The following SRPK1 variants were observed in gnomAD, a reference collection of about 807,000 sequenced individuals.
The protein encoded by SRPK1 is SFRS protein kinase 1.
SRPK1 carries 52 observed loss-of-function variants against 89.5 expected under a neutral mutation model. That is an observed-to-expected ratio of 0.58 (90% CI 0.46 to 0.73). SRPK1 has a LOEUF of 0.73. SRPK1 is among the 30% of genes least tolerant of loss of function. The pLI, the probability that SRPK1 is intolerant of heterozygous loss-of-function variation, is 0.00. For synonymous variants in SRPK1, 255 were observed against 270.2 expected, an observed-to-expected ratio of 0.94 and a Z score of 0.55; for missense variants, 603 against 780.6, an observed-to-expected ratio of 0.77 and a Z score of 2.71.
intron 13 of SRPK1, 183 bp downstream of exon 13, chr6:35,857,078 C>T: frequency 1.9e-6 from 1 of 515,158 alleles, no homozygotes; most frequent in Non-Finnish European, 3.4e-6. Flanking sequence ...TAGCAGTAAC[C>T]AAATGAAATG....
At chr6:35,902,591 A>G (rs1301403265) in intron 2 of SRPK1, among the ~76,000 whole-genome samples, 1 of 152,202 alleles carries the variant, frequency 6.6e-6, no homozygotes, top group Non-Finnish European at 1.5e-5. Context: ...TAACCTTGCC[A>G]TCTACAGATA....
intron 6 of SRPK1, among the ~76,000 whole-genome samples, chr6:35,883,938 T>G (rs993684182): frequency 2.6e-5 from 4 of 152,034 alleles, no homozygotes; most frequent in African/African-American, 9.7e-5. Flanking sequence ...TTTCACCGTG[T>G]TAGCCAAGAT....
intron 12 of SRPK1, 95 bp from the exon 13 acceptor site, chr6:35,857,463 G>C: frequency 9.5e-7 from 1 of 1,054,020 alleles, no homozygotes; most frequent in Non-Finnish European, 1.4e-6. Context: ...ACTCTCTGAA[G>C]TTTTTCCCAA....
intron 2 of SRPK1, among the ~76,000 whole-genome samples, chr6:35,892,884 T>C (rs1433445111): frequency 2.6e-5 from 4 of 152,250 alleles, no homozygotes; most frequent in South Asian, 2.1e-4. Context: ...TTACATGCTA[T>C]GACTGAGCTA....
At position 35,870,295 on chromosome 6, in the gene SRPK1, G is replaced by A. The variant is rs778828117; in HGVS notation, c.977C>T (p.Thr326Ile). The A allele has an allele frequency of 6.2e-7, 1 of 1,611,534 alleles. No individual in the cohort carries two copies. Among genetic ancestry groups the A allele is most frequent in the South Asian group, 1.1e-5 (1 of 90,376 alleles). ...PLKENPPNKM[T>I]QEKLEESSTI... ...TCTATTTATACCAAGTTTTTCTTGG[G>A]TCATTTTATTAGGTGGGTTCTCTTT... is the stretch of plus-strand genomic sequence containing the variant. Residue 326 changes from threonine (T) to isoleucine (I), a missense_variant, in exon 10 of 16, where the codon ACC becomes ATC. Transcript: ENST00000373825.
chr6:35,907,526 T>A, intron 2 of SRPK1, among the ~76,000 whole-genome samples: 1 of 151,934 alleles, frequency 6.6e-6, no homozygotes, highest in Non-Finnish European at 1.5e-5. Flanking sequence ...ACCAACATAG[T>A]GAAACTCCAT....
intron 2 of SRPK1, among the ~76,000 whole-genome samples, chr6:35,917,891 T>G (rs1211714726): frequency 6.6e-6 from 1 of 152,240 alleles, no homozygotes; most frequent in African/African-American, 2.4e-5. Flanking sequence ...CTAACTTGTC[T>G]AAGGTCAGAT....
Position 35,874,293 on chromosome 6 carries a change from C to T in SRPK1, c.525G>A (p.Trp175Ter), listed in dbSNP as rs1770107769. ...GCCCCTGATAATTGGATTTGATGAT[C>T]CACTTGAGCAGATGATGCCCCAAAA... is the stretch of plus-strand genomic sequence containing the variant. ...FEVLGHHLLKWIIKSNYQGLP... is the reference protein window; with the variant it reads ...FEVLGHHLLK Residue 175 changes from tryptophan (W) to a stop codon, truncating the protein, a stop_gained, in exon 7 of 16, where the codon TGG becomes TGA. Transcript: ENST00000373825. LOFTEE classifies it high-confidence loss of function. 1.2e-6 allele frequency: 2 copies of T among 1,613,208 alleles called. No homozygotes were observed. The highest frequency in any genetic ancestry group is 1.7e-6 in the Non-Finnish European group (2 of 1,179,676).
At chr6:35,880,896 C>T (rs943140038) in intron 6 of SRPK1, among the ~76,000 whole-genome samples, 1 of 150,234 alleles carries the variant, frequency 6.7e-6, no homozygotes, top group African/African-American at 2.4e-5. Flanking sequence ...CACATCAAGA[C>T]ACATTATAAT....
chr6:35,850,762 T>C (rs1769537050), intron 13 of SRPK1, among the ~76,000 whole-genome samples: 1 of 152,124 alleles, frequency 6.6e-6, no homozygotes, highest in African/African-American at 2.4e-5. Context: ...AAAAACCCCA[T>C]GTATCTCAGG....
Position 35,905,845 on chromosome 6 carries a change from T to C in SRPK1, c.74+14623A>G, listed in dbSNP as rs186306823. Among the ~76,000 whole-genome samples, 4 of 152,296 alleles carry C rather than the reference T, an allele frequency of 2.6e-5. No individual in the cohort carries two copies. In the East Asian group the frequency reaches 7.7e-4, roughly 29 times the overall value. Reference sequence around the variant, plus strand: ...AAACAAAAATCCTTGGGTCCTATGATTCCATGTTTAAGTATAACATGAACT... The same window carrying C: ...AAACAAAAATCCTTGGGTCCTATGACTCCATGTTTAAGTATAACATGAACT... On this transcript the variant is annotated intron_variant, in intron 2 of 15. Coordinates refer to ENST00000373825, the MANE Select transcript of SRPK1 (RefSeq NM_003137.5).
chr6:35,883,100 C>T (rs938478099), intron 6 of SRPK1, among the ~76,000 whole-genome samples: 1 of 152,220 alleles, frequency 6.6e-6, no homozygotes, highest in Non-Finnish European at 1.5e-5. Context: ...AGCCACTGCA[C>T]CTGGCCAGGA....
At position 35,870,954 on chromosome 6, in the gene SRPK1, T is replaced by C. The variant is rs1561979275; in HGVS notation, c.757A>G (p.Thr253Ala). 1.2e-6 allele frequency: 2 copies of C among 1,607,820 alleles called. No homozygotes were observed. The highest frequency in any genetic ancestry group is 1.1e-5 in the South Asian group (1 of 90,270). ...CTTACTGGTTTAGGCTGGGGAGCAG[T>C]ACTGACTGAAAAGAAAAGAAAACCA... ...APPPSGSAVS[T>A]APQPKPADKM... The change falls in exon 9 of 16, where the codon ACT becomes GCT. Residue 253 changes from threonine (T) to alanine (A), a missense_variant. Coordinates refer to ENST00000373825, the MANE Select transcript of SRPK1 (RefSeq NM_003137.5).
intron 4 of SRPK1, among the ~76,000 whole-genome samples, chr6:35,888,344 T>C (rs975957913): frequency 1.3e-5 from 2 of 152,160 alleles, no homozygotes; most frequent in Non-Finnish European, 2.9e-5. Context: ...GTTGAACATT[T>C]TCTCTGAGTT....
At chr6:35,912,268 A>G (rs1770986657) in intron 2 of SRPK1, among the ~76,000 whole-genome samples, 1 of 152,124 alleles carries the variant, frequency 6.6e-6, no homozygotes, top group South Asian at 2.1e-4. Flanking sequence ...GGAGGAACGC[A>G]TGCACCCAGG....
chr6:35,876,985 A>C (rs1219244181), intron 6 of SRPK1, among the ~76,000 whole-genome samples: 1 of 152,160 alleles, frequency 6.6e-6, no homozygotes, highest in African/African-American at 2.4e-5. Flanking sequence ...AGAAATTTGG[A>C]GATTTGCAGA....
rs201751746 is a variant in SRPK1 at position 35,862,073 on chromosome 6, TAAC to T, written c.1513-4708_1513-4706del. Among the ~76,000 whole-genome samples the T allele has an allele frequency of 2.7e-3, 414 of 151,632 alleles. 2 individuals carry two copies. The highest frequency in any genetic ancestry group is 0.01 in the Middle Eastern group (3 of 294). ...CTAGCCCCCTCCGACCCATCACAGCTAACAACAACAACAACAACAACAACAACA... is the reference window on the plus strand; with the variant it reads ...CTAGCCCCCTCCGACCCATCACAGCTAACAACAACAACAACAACAACAACA... On this transcript the variant is annotated intron_variant, in intron 12 of 15. Transcript: ENST00000373825.
chr6:35,842,680 C>CA lies in SRPK1; in HGVS notation c.1621-77dup, dbSNP rs1769336784. ...TTGGAAAGCTGATTGCTATTTGGCT[C>CA]AATATGAAGTAACTCTTGTTCCCTT... On this transcript the variant is annotated intron_variant, in intron 13 of 15. Transcript: ENST00000373825. 5 of 904,650 alleles carry CA rather than the reference C, an allele frequency of 5.5e-6. No individual in the cohort carries two copies. In the Admixed American group the frequency reaches 1.2e-4, roughly 22 times the overall value. The allele number at this position is 904,650 out of a possible 1,614,324, so 56.0% of individuals were successfully genotyped here. A position where few individuals can be genotyped will look rare whatever the true frequency, so the allele number is the denominator to read the frequency against.
In SRPK1 at chr6:35,835,177, T is replaced by TAA; in HGVS notation, c.*125_*126dup. On this transcript the variant is annotated 3_prime_UTR_variant, in exon 16 of 16. Transcript: ENST00000373825. ...GCAAACCCAAATGAACATGTTGGATTAAAAAAAAAACAAGATCTAGAAACT... is the reference window on the plus strand; with the variant it reads ...GCAAACCCAAATGAACATGTTGGATTAAAAAAAAAAAACAAGATCTAGAAACT... 1.2e-4 allele frequency: 94 copies of TAA among 794,366 alleles called. No individual in the cohort carries two copies. Among genetic ancestry groups the TAA allele is most frequent in the Non-Finnish European group, 1.4e-4 (77 of 543,190 alleles). 49.2% of individuals were successfully genotyped at this position (794,366 alleles called of 1,614,324 possible). A position where few individuals can be genotyped will look rare whatever the true frequency, so the allele number is the denominator to read the frequency against.
Sources: gnomAD v4.1 joint callset for allele counts (sites outside exome capture counted in the v4.1 genomes callset) on GRCh38, gnomAD v4.1.1 for gene constraint, MANE v1.5 for transcripts, NCBI Gene and HGNC (gene_info 2026-07-23, HGNC 2026-07-21) for gene names.